The following SLC8A1 variants were observed in gnomAD, a reference collection of about 807,000 sequenced individuals.
The protein encoded by SLC8A1 is solute carrier family 8 member A1, also known as sodium/calcium exchanger 1.
In SLC8A1, 18 loss-of-function variants were observed where a neutral mutation model predicts 68.3. The ratio of observed to expected loss-of-function variants is 0.26; its 90% confidence interval spans 0.18 to 0.39. The LOEUF is 0.39. Among genes scored for constraint, SLC8A1 ranks in the 10% least tolerant of loss-of-function variants. SLC8A1 has a pLI of 1.00. For synonymous variants in SLC8A1, 475 were observed against 415.5 expected (o/e 1.14, Z -1.74); for missense variants, 985 against 1,156.7 (o/e 0.85, Z 2.15).
intron 6 of SLC8A1, among the ~76,000 whole-genome samples, chr2:40,142,147 T>C (rs968663239): frequency 3.3e-5 from 5 of 152,242 alleles, no homozygotes; most frequent in Non-Finnish European, 5.9e-5. Flanking sequence ...TTACCTACTC[T>C]TTTTTGTTTG....
At chr2:40,296,119 A>G (rs913314458) in intron 2 of SLC8A1, among the ~76,000 whole-genome samples, 1 of 152,212 alleles carries the variant, frequency 6.6e-6, no homozygotes, top group Non-Finnish European at 1.5e-5. Flanking sequence ...AATGGGCCTC[A>G]ATTCACTCTC....
At chr2:40,369,072 A>T (rs866713547) in intron 2 of SLC8A1, among the ~76,000 whole-genome samples, 5 of 152,100 alleles carry the variant, frequency 3.3e-5, no homozygotes, top group Non-Finnish European at 5.9e-5. Flanking sequence ...TAAAACCCCA[A>T]ACTATAAAAA....
chr2:40,252,950 C>T (rs984903514), intron 2 of SLC8A1, among the ~76,000 whole-genome samples: 1 of 92,586 alleles, frequency 1.1e-5, no homozygotes, highest in Non-Finnish European at 2.3e-5. Context: ...TACATATATA[C>T]ATATGTGTGT....
intron 2 of SLC8A1, among the ~76,000 whole-genome samples, chr2:40,391,358 A>G (rs1227303471): frequency 6.6e-6 from 1 of 152,014 alleles, no homozygotes; most frequent in Non-Finnish European, 1.5e-5. Flanking sequence ...ATAAATAGGA[A>G]TAAGTGTCCT....
rs563121051 is a variant in SLC8A1, at chr2:40,474,108, C to G, written c.-25+38241G>C. Among the ~76,000 whole-genome samples the G allele has an allele frequency of 2.6e-5, 4 of 152,276 alleles. No individual in the cohort carries two copies. In the South Asian group the frequency reaches 6.2e-4, roughly 24 times the overall value. The stretch of plus-strand genomic sequence containing the variant: ...GTTGAGAACTGCCTCTCTCAATAGA[C>G]TATCTCCTTACAAGACTGGCTTTCA... On this transcript the variant is annotated intron_variant, in intron 1 of 7. Coordinates refer to the SLC8A1 transcript ENST00000402441.
chr2:40,291,676 G>A (rs2149233534), intron 2 of SLC8A1, among the ~76,000 whole-genome samples: 1 of 152,216 alleles, frequency 6.6e-6, no homozygotes, highest in East Asian at 1.9e-4. Context: ...AATCACCTCT[G>A]AAAGAACCAC....
intron 2 of SLC8A1, among the ~76,000 whole-genome samples, chr2:40,266,558 G>T (rs2065378417): frequency 6.6e-6 from 1 of 152,140 alleles, no homozygotes; most frequent in Non-Finnish European, 1.5e-5. Flanking sequence ...GGAGAATGAT[G>T]CGTAATGATG....
chr2:40,425,285 G>A (rs533156150), intron 2 of SLC8A1, among the ~76,000 whole-genome samples: 1 of 151,660 alleles, frequency 6.6e-6, no homozygotes, highest in South Asian at 2.1e-4. Flanking sequence ...GTGAGAATAT[G>A]AATAAATATT....
rs371702724 is a variant in SLC8A1, at chr2:40,428,458, T to C, written c.1808+15A>G. The C allele has an allele frequency of 8.4e-6, 13 of 1,548,862 alleles. No individual in the cohort carries two copies. The highest frequency in any genetic ancestry group is 1.0e-5 in the Non-Finnish European group (12 of 1,151,372). ...ACACACACACACACACACACATATA[T>C]AATATAGAACTTACACAATTTCATC... On this transcript the variant is annotated intron_variant, in intron 2 of 7. Transcript: ENST00000406785.
chr2:40,504,273 G>A (rs1031178288), intron 1 of SLC8A1, among the ~76,000 whole-genome samples: 1 of 151,932 alleles, frequency 6.6e-6, no homozygotes, highest in Non-Finnish European at 1.5e-5. Flanking sequence ...GAATGAAACT[G>A]GACCTCTGTC....
chr2:40,183,792 A>C (rs2050090477), intron 2 of SLC8A1, among the ~76,000 whole-genome samples: 1 of 152,200 alleles, frequency 6.6e-6, no homozygotes, highest in South Asian at 2.1e-4. Context: ...TTTGCAAACT[A>C]GAAATACCTA....
chr2:40,488,050 T>G (rs1705082982), intron 1 of SLC8A1, among the ~76,000 whole-genome samples: 1 of 152,086 alleles, frequency 6.6e-6, no homozygotes, highest in African/African-American at 2.4e-5. Context: ...TAGCATTAAC[T>G]TTCAGATAGA....
chr2:40,401,830 G>C (rs985860062), intron 2 of SLC8A1, among the ~76,000 whole-genome samples: 1 of 151,976 alleles, frequency 6.6e-6, no homozygotes, highest in African/African-American at 2.4e-5. Context: ...ATGAGTAAAG[G>C]CTCTTAATGA....
chr2:40,126,880 C>T (rs575266949), intron 7 of SLC8A1, among the ~76,000 whole-genome samples: 100 of 152,306 alleles, frequency 6.6e-4, no homozygotes, highest in African/African-American at 2.3e-3. Context: ...CCCCCACCTC[C>T]GCCATGCCCA....
chr2:40,345,120 C>T (rs1016618480), intron 2 of SLC8A1, among the ~76,000 whole-genome samples: 2 of 152,162 alleles, frequency 1.3e-5, no homozygotes, highest in Admixed American at 1.3e-4. Context: ...GTCCTGTTTA[C>T]TACTCCAGAG....
chr2:40,174,542 C>T (rs530230290), intron 4 of SLC8A1, among the ~76,000 whole-genome samples, 164 bp downstream of exon 6: 4 of 152,188 alleles, frequency 2.6e-5, no homozygotes, highest in African/African-American at 9.6e-5. Flanking sequence ...ATAAACACAA[C>T]ACACACACAT....
At position 40,288,834 on chromosome 2, in the gene SLC8A1, CAT is replaced by C. The variant is rs145077257; in HGVS notation, c.1809-110981_1809-110980del. On this transcript the variant is annotated intron_variant, in intron 2 of 7. Transcript: ENST00000406785. ...TTCGAAAATGTCTCTACTAAGTAATCATATATATATATATATATGTATATATA... is the reference window on the plus strand; with the variant it reads ...TTCGAAAATGTCTCTACTAAGTAATCATATATATATATATATGTATATATA... Among the ~76,000 whole-genome samples, 69 of 132,496 alleles carry C rather than the reference CAT, an allele frequency of 5.2e-4. 1 individual carries two copies. Among genetic ancestry groups the C allele is most frequent in the Middle Eastern group, 3.7e-3 (1 of 268 alleles). 86.9% of individuals were successfully genotyped at this position (132,496 alleles called of 152,430 possible). A position where few individuals can be genotyped will look rare whatever the true frequency, so the allele number is the denominator to read the frequency against.
chr2:40,501,080 C>T (rs1347574868), intron 1 of SLC8A1, among the ~76,000 whole-genome samples: 1 of 151,870 alleles, frequency 6.6e-6, no homozygotes, highest in African/African-American at 2.4e-5. Context: ...TACTTCAAGG[C>T]CTTTCCTTTG....
chr2:40,404,433 T>C (rs949147816), intron 2 of SLC8A1, among the ~76,000 whole-genome samples: 3 of 152,230 alleles, frequency 2.0e-5, no homozygotes, highest in Admixed American at 6.5e-5. Flanking sequence ...TTTTTTGCAA[T>C]AGATATGGTA....
Sources: gnomAD v4.1 joint callset for allele counts (sites outside exome capture counted in the v4.1 genomes callset) on GRCh38, gnomAD v4.1.1 for gene constraint, MANE v1.5 for transcripts, NCBI Gene and HGNC (gene_info 2026-07-23, HGNC 2026-07-21) for gene names.